SAMD5: variants seen among roughly 807,000 people sequenced by gnomAD.
The protein encoded by SAMD5 is sterile alpha motif domain containing 5, also known as sterile alpha motif domain-containing protein 5.
Under a neutral mutation model 11.3 loss-of-function variants are expected in SAMD5, and 13 were observed. That is an observed-to-expected ratio of 1.15 (90% CI 0.75 to 1.83). The LOEUF (loss-of-function observed/expected upper bound fraction) is 1.83. Ranked by LOEUF, SAMD5 falls within the 40% of genes most tolerant of loss-of-function variation. SAMD5 has a pLI of 0.00. For missense variants in SAMD5, 255 were observed against 239.1 expected, an observed-to-expected ratio of 1.07 and a Z score of -0.44; for synonymous variants, 129 against 111.3, an observed-to-expected ratio of 1.16 and a Z score of -1.00.
At chr6:147,931,402 GC>G in the SAMD5 span, among the ~76,000 whole-genome samples, 1 of 151,958 alleles carries the variant, frequency 6.6e-6, no homozygotes, top group Non-Finnish European at 1.5e-5. Flanking sequence ...ATATTAAAAT[GC>G]CCTCATTTTT....
chr6:147,659,712 A>T (rs1382283133), intron 1 of SAMD5, among the ~76,000 whole-genome samples: 1 of 152,256 alleles, frequency 6.6e-6, no homozygotes, highest in African/African-American at 2.4e-5. Flanking sequence ...AATAAGCTAC[A>T]TCAAATAATT....
At chr6:147,601,900 G>A (rs1209254199) in intron 1 of SAMD5, among the ~76,000 whole-genome samples, 1 of 152,146 alleles carries the variant, frequency 6.6e-6, no homozygotes, top group East Asian at 1.9e-4. Context: ...CATATTTCGT[G>A]AAAGCTATCT....
chr6:147,646,976 AATAATAATAAT>A (rs1790413419), intron 1 of SAMD5, among the ~76,000 whole-genome samples: 1 of 28,828 alleles, frequency 3.5e-5, no homozygotes, highest in Non-Finnish European at 8.3e-5. Context: ...CATCTCTAAT[AATAATAATAAT>A]AATAATAATA....
chr6:147,865,716 G>A, the SAMD5 span, among the ~76,000 whole-genome samples: 1 of 152,240 alleles, frequency 6.6e-6, no homozygotes, highest in Admixed American at 6.5e-5. Flanking sequence ...TATTTGCAAA[G>A]CTGAGCCTTC....
the SAMD5 span, among the ~76,000 whole-genome samples, chr6:147,753,442 G>A: frequency 6.6e-6 from 1 of 152,126 alleles, no homozygotes; most frequent in African/African-American, 2.4e-5. Context: ...CATAGTAGGT[G>A]TACATATTTT....
chr6:147,521,511 G>A (rs1376453429), intron 1 of SAMD5, among the ~76,000 whole-genome samples: 1 of 151,998 alleles, frequency 6.6e-6, no homozygotes, highest in Non-Finnish European at 1.5e-5. Flanking sequence ...GAAATAGAGA[G>A]GGTGCAGTCT....
At chr6:147,585,356 G>A (rs1789359210) in intron 1 of SAMD5, among the ~76,000 whole-genome samples, 1 of 152,148 alleles carries the variant, frequency 6.6e-6, no homozygotes, top group Non-Finnish European at 1.5e-5. Context: ...TACAGCATGA[G>A]CCCCTGCCAA....
chr6:147,656,484 C>T (rs11155520), intron 1 of SAMD5, among the ~76,000 whole-genome samples: 62,584 of 151,868 alleles, frequency 0.41, 14,879 homozygotes, highest in Middle Eastern at 0.54. Flanking sequence ...GTTCTTTTCC[C>T]ATAAAAGGCA....
At chr6:147,866,980 T>C in the SAMD5 span, among the ~76,000 whole-genome samples, 1 of 152,272 alleles carries the variant, frequency 6.6e-6, no homozygotes, top group East Asian at 1.9e-4. Context: ...AAAGTCTGTA[T>C]GAGAAGGAAA....
At position 147,652,314 on chromosome 6, in the gene SAMD5, T is replaced by C. The variant is rs567230841; in HGVS notation, c.163-85003T>C. On this transcript the variant is annotated intron_variant, in intron 1 of 1. Transcript: ENST00000566741. ...TTTGGTTGGTTGGTTGGTTTTTTTT[T>C]AGAAAGTGACTTTTGAAACCATATT... Among the ~76,000 whole-genome samples the C allele has an allele frequency of 5.9e-5, 9 of 152,336 alleles. No homozygotes were observed. In the East Asian group the frequency reaches 1.7e-3, roughly 29 times the overall value.
chr6:147,577,413 T>C (rs1010005547), intron 1 of SAMD5, among the ~76,000 whole-genome samples: 1 of 152,202 alleles, frequency 6.6e-6, no homozygotes, highest in East Asian at 1.9e-4. Context: ...GGCATAGTTT[T>C]GGAGAAACAT....
chr6:147,591,310 A>G (rs1389451608), intron 1 of SAMD5, among the ~76,000 whole-genome samples: 6 of 152,210 alleles, frequency 3.9e-5, no homozygotes, highest in Non-Finnish European at 8.8e-5. Context: ...CCAGTGGCAT[A>G]TAAAGCTGCT....
chr6:147,518,158 G>C (rs1788200515), intron 1 of SAMD5, among the ~76,000 whole-genome samples: 1 of 152,178 alleles, frequency 6.6e-6, no homozygotes, highest in Non-Finnish European at 1.5e-5. Context: ...TCAGTAAACT[G>C]TGCAGCACTC....
chr6:147,836,349 G>T, the SAMD5 span, among the ~76,000 whole-genome samples: 1 of 152,094 alleles, frequency 6.6e-6, no homozygotes, highest in East Asian at 1.9e-4. Context: ...TAAGACATAT[G>T]CCAATTCTGC....
At chr6:147,913,235 A>T in the SAMD5 span, among the ~76,000 whole-genome samples, 1 of 152,240 alleles carries the variant, frequency 6.6e-6, no homozygotes, top group Non-Finnish European at 1.5e-5. Flanking sequence ...GAACTAGTTC[A>T]GGTAATTTGG....
chr6:147,545,606 G>T (rs769012287), intron 1 of SAMD5, among the ~76,000 whole-genome samples: 24 of 152,068 alleles, frequency 1.6e-4, no homozygotes, highest in Non-Finnish European at 3.1e-4. Flanking sequence ...AGGATAAGCG[G>T]ACTTTAATTT....
the SAMD5 span, among the ~76,000 whole-genome samples, chr6:147,810,563 G>C: frequency 0.016 from 2,483 of 152,260 alleles, 61 homozygotes; most frequent in African/African-American, 0.057. Flanking sequence ...GAAAAGCCAG[G>C]AAAGGAATGA....
chr6:147,560,392 A>T (rs924429956), intron 1 of SAMD5, among the ~76,000 whole-genome samples: 3 of 152,200 alleles, frequency 2.0e-5, no homozygotes, highest in Non-Finnish European at 4.4e-5. Flanking sequence ...ATGGAAAGCA[A>T]CACTCCTACT....
intron 1 of SAMD5, among the ~76,000 whole-genome samples, chr6:147,712,610 G>A (rs1791415293): frequency 6.6e-6 from 1 of 152,136 alleles, no homozygotes; most frequent in Admixed American, 6.5e-5. Context: ...ATAGCATCTT[G>A]AGGGTGGCAC....
Sources: allele counts gnomAD v4.1 joint callset (sites outside exome capture counted in the v4.1 genomes callset), GRCh38; gene constraint gnomAD v4.1.1; transcripts MANE v1.5; gene names NCBI Gene and HGNC (gene_info 2026-07-23, HGNC 2026-07-21).